Variants in CSMD2 observed in about 807,000 individuals in gnomAD.
CSMD2 encodes the protein CUB and Sushi multiple domains 2, also known as CUB and sushi domain-containing protein 2.
CSMD2 carries 130 observed loss-of-function variants against 398.5 expected under a neutral mutation model. That is an observed-to-expected ratio of 0.33 (90% CI 0.28 to 0.38). The LOEUF (loss-of-function observed/expected upper bound fraction) is 0.38. Among genes scored for constraint, CSMD2 ranks in the 10% least tolerant of loss-of-function variants. CSMD2 has a pLI of 1.00. For missense variants in CSMD2, 3,829 were observed against 4,764.9 expected (o/e 0.80, Z 5.78); for synonymous variants, 1,828 against 1,908.5 (o/e 0.96, Z 1.10).
At chr1:33,703,977 A>G (rs767749476) in intron 22 of CSMD2, among the ~76,000 whole-genome samples, 7 of 152,256 alleles carry the variant, frequency 4.6e-5, no homozygotes, top group Admixed American at 1.3e-4. Flanking sequence ...TTTTCTGTGA[A>G]TTGCCTGCCT....
rs1343658785 is a variant in CSMD2, at chr1:34,163,958, C to A, written c.187+953G>T. Among the ~76,000 whole-genome samples, 1 of 152,132 alleles carries A rather than the reference C, an allele frequency of 6.6e-6. No individual in the cohort carries two copies. The highest frequency in any genetic ancestry group is 1.5e-5 in the Non-Finnish European group (1 of 68,016). On this transcript the variant is annotated intron_variant, in intron 1 of 70. Coordinates refer to ENST00000373381, the MANE Select transcript of CSMD2 (RefSeq NM_001281956.2). This position sits in a 1 kb window ranked among gnomAD's most constrained non-coding sequence, Gnocchi z 5.4. The stretch of plus-strand genomic sequence containing the variant: ...CTCGAAGGTTCGCGTACCTCCCCCG[C>A]GCGCTGCAAGCTGCAGCCAGACACC...
At chr1:33,806,211 C>T (rs944162169) in intron 10 of CSMD2, among the ~76,000 whole-genome samples, 2 of 152,172 alleles carry the variant, frequency 1.3e-5, no homozygotes, top group African/African-American at 4.8e-5. Flanking sequence ...GTCACTACCA[C>T]CCTCTGGGAG....
chr1:34,098,128 T>C (rs1178994702), intron 1 of CSMD2, among the ~76,000 whole-genome samples: 6 of 112,272 alleles, frequency 5.3e-5, no homozygotes, highest in South Asian at 7.1e-4. Flanking sequence ...ATGGATGAAA[T>C]TGGAAATCAT....
intron 5 of CSMD2, among the ~76,000 whole-genome samples, chr1:33,847,340 A>C (rs1291300892): frequency 6.6e-6 from 1 of 151,166 alleles, no homozygotes; most frequent in Non-Finnish European, 1.5e-5. Flanking sequence ...TTCACCTGTA[A>C]CGCTTTCTCC....
rs146356518 is a variant in CSMD2, at chr1:34,123,171, G to A, written c.188-33978C>T. Among the ~76,000 whole-genome samples the A allele has an allele frequency of 1.3e-4, 20 of 152,300 alleles. No individual in the cohort carries two copies. In the East Asian group the frequency reaches 3.9e-3, roughly 29 times the overall value. On this transcript the variant is annotated intron_variant, in intron 1 of 70. Coordinates refer to ENST00000373381, the MANE Select transcript of CSMD2 (RefSeq NM_001281956.2). ...GAATAAGGCAGGATTAGAGGGTTGG[G>A]ACTTAACAGCTCCACTCCTGAACCT...
intron 2 of CSMD2, among the ~76,000 whole-genome samples, chr1:34,076,909 CA>C (rs1160217243): frequency 7.8e-4 from 8 of 10,210 alleles, no homozygotes; most frequent in South Asian, 9.3e-3. Flanking sequence ...TACAGCAAAG[CA>C]AAAAAAAAAA....
chr1:33,839,260 C>T (rs969822267), intron 6 of CSMD2: 1 of 152,186 alleles, frequency 6.6e-6, no homozygotes, highest in African/African-American at 2.4e-5. Context: ...CTTAAAATTG[C>T]CAATGTCCAC....
rs562041600 is a variant in CSMD2 at position 34,163,108 on chromosome 1, G to T, written c.187+1803C>A. 6.6e-6 allele frequency among the ~76,000 whole-genome samples: 1 copy of T among 152,246 alleles called. No homozygotes were observed. The highest frequency in any genetic ancestry group is 1.5e-5 in the Non-Finnish European group (1 of 68,046). On this transcript the variant is annotated intron_variant, in intron 1 of 70. Transcript: ENST00000373381. This position sits in a 1 kb window ranked among gnomAD's most constrained non-coding sequence, Gnocchi z 5.4. ...CCCCTAGGGGCAGGATATGCCCAAG[G>T]GGCAGGGACAAATCTAGCCAGAAAA...
intron 24 of CSMD2, among the ~76,000 whole-genome samples, chr1:33,697,447 C>T (rs531232): frequency 0.027 from 4,151 of 152,238 alleles, 179 homozygotes; most frequent in African/African-American, 0.094. Flanking sequence ...GCTACTGTTT[C>T]GGTCTGTCCA....
At chr1:33,634,456 T>C (rs1005851063) in intron 31 of CSMD2, among the ~76,000 whole-genome samples, 7 of 152,192 alleles carry the variant, frequency 4.6e-5, no homozygotes, top group African/African-American at 1.7e-4. Context: ...TCGGGACATG[T>C]TGATGTCCTT....
intron 33 of CSMD2, among the ~76,000 whole-genome samples, chr1:33,626,039 T>C (rs568433560): frequency 6.6e-6 from 1 of 152,348 alleles, no homozygotes; most frequent in East Asian, 1.9e-4. Flanking sequence ...AGGCCTGGCG[T>C]AGCTGGAGCC....
rs926069082 is a variant in CSMD2, at chr1:33,551,955, C to T, written c.8744-1605G>A. Among the ~76,000 whole-genome samples the T allele has an allele frequency of 2.0e-5, 3 of 152,236 alleles. No homozygotes were observed. The East Asian group carries it at 5.8e-4, about 29-fold the overall frequency. ...GAGGGACCATGGACAATCACAATGC[C>T]CCAGCTGACAGCCAGTGCCAAGATA... On this transcript the variant is annotated intron_variant, in intron 55 of 70. Transcript: ENST00000373381.
At chr1:33,523,247 C>A in intron 67 of CSMD2, 60 bp downstream of exon 67, 1 of 863,324 alleles carries the variant, frequency 1.2e-6, no homozygotes, top group Non-Finnish European at 1.9e-6. Context: ...ACCCTTTTGT[C>A]CTCCTCTTCC....
Position 33,546,100 on chromosome 1 carries a change from C to T in CSMD2, c.9037G>A (p.Gly3013Arg). The change falls in exon 57 of 71, where the codon GGA becomes AGA. Residue 3013 changes from glycine to arginine, a missense_variant. This residue lies in a region of CSMD2 where 917 missense variants were observed against 1,199.5 expected (regional missense o/e 0.76). Coordinates refer to ENST00000373381, the MANE Select transcript of CSMD2 (RefSeq NM_001281956.2). ...GCTTGACAGGTGCGCTCTGACGATC[C>T]CCGGAGCACGTGGCCAGCTTCACAG... is the stretch of plus-strand genomic sequence containing the variant. ...FSCEAGHVLRGSSERTCQANG... is the reference protein window; with the variant it reads ...FSCEAGHVLRRSSERTCQANG... 1.2e-6 allele frequency: 2 copies of T among 1,614,144 alleles called. No individual in the cohort carries two copies. Among genetic ancestry groups the T allele is most frequent in the Non-Finnish European group, 1.7e-6 (2 of 1,180,012 alleles).
chr1:33,935,299 T>C (rs1477528576), intron 4 of CSMD2, among the ~76,000 whole-genome samples: 1 of 152,014 alleles, frequency 6.6e-6, no homozygotes, highest in Non-Finnish European at 1.5e-5. Context: ...TAAAGAGATT[T>C]TGAGCATATT....
intron 13 of CSMD2, among the ~76,000 whole-genome samples, chr1:33,750,852 T>C (rs1041938773): frequency 6.6e-6 from 1 of 152,112 alleles, no homozygotes; most frequent in Non-Finnish European, 1.5e-5. Context: ...TTGTATAATG[T>C]TGGAGGCAAG....
At chr1:33,842,150 T>C (rs987954) in intron 6 of CSMD2, among the ~76,000 whole-genome samples, 96,710 of 151,968 alleles carry the variant, frequency 0.64, 31,385 homozygotes, top group East Asian at 0.9. Flanking sequence ...TTAAGCTAGA[T>C]TCATCCCTGA....
intron 68 of CSMD2, 107 bp from the exon 69 acceptor site, chr1:33,520,057 G>T: frequency 7.4e-7 from 1 of 1,352,846 alleles, no homozygotes; most frequent in Non-Finnish European, 1.0e-6. Flanking sequence ...GCCACTCAGG[G>T]TGCTCCTCAC....
intron 3 of CSMD2, among the ~76,000 whole-genome samples, chr1:33,968,539 C>A (rs1296885050): frequency 1.3e-5 from 2 of 152,196 alleles, no homozygotes; most frequent in African/African-American, 4.8e-5. Flanking sequence ...AAGGAAGGGT[C>A]CATGTTGGAG....
Sources: gnomAD v4.1 joint callset for allele counts (sites outside exome capture counted in the v4.1 genomes callset) on GRCh38, gnomAD v4.1.1 for gene constraint, gnomAD v4.1.1 regional missense constraint, Gnocchi (gnomAD v3.1) non-coding constraint, MANE v1.5 for transcripts, NCBI Gene and HGNC (gene_info 2026-07-23, HGNC 2026-07-21) for gene names.